MARCHF1: variants seen among roughly 807,000 people sequenced by gnomAD.
MARCHF1 encodes the protein membrane associated ring-CH-type finger 1.
In MARCHF1, 40 loss-of-function variants were observed where a neutral mutation model predicts 54.2. The observed-to-expected ratio is 0.74, with a 90% CI of 0.57 to 0.96. The LOEUF is 0.96. MARCHF1 is among the 40% of genes least tolerant of loss of function. The pLI is 0.00. For missense variants in MARCHF1, 586 were observed against 656.5 expected, an observed-to-expected ratio of 0.89 and a Z score of 1.17; for synonymous variants, 236 against 236.3, an observed-to-expected ratio of 1.00 and a Z score of 0.01.
rs371174867 is a variant in MARCHF1, at chr4:163,951,162, GA to G, written c.-39+37338del. Reference sequence around the variant, plus strand: ...ATATTAACAGAAGCAAAGGAAATTGGAGGGAAAAAGATTTACTACATCTGGA... The same window carrying G: ...ATATTAACAGAAGCAAAGGAAATTGGGGGAAAAAGATTTACTACATCTGGA... On this transcript the variant is annotated intron_variant, in intron 3 of 9. Coordinates refer to ENST00000514618, the MANE Select transcript of MARCHF1 (RefSeq NM_001394959.1). Among the ~76,000 whole-genome samples the G allele has an allele frequency of 5.6e-4, 85 of 152,280 alleles. 2 individuals are homozygous for G. The East Asian group carries it at 0.015, about 27-fold the overall frequency.
At chr4:164,351,961 A>C (rs1332638065) in intron 1 of MARCHF1, among the ~76,000 whole-genome samples, 1 of 147,576 alleles carries the variant, frequency 6.8e-6, no homozygotes, top group Non-Finnish European at 1.5e-5. Context: ...CTACGTGAAG[A>C]ATGCAGAAGC....
In MARCHF1 at chr4:164,123,221, C is replaced by T. The variant is rs186292675; in HGVS notation, c.-322-11559G>A. Among the ~76,000 whole-genome samples the T allele has an allele frequency of 8.0e-4, 121 of 152,114 alleles. 3 individuals are homozygous for T. Among genetic ancestry groups the T allele is most frequent in the Non-Finnish European group, 5.3e-4 (36 of 67,968 alleles). ...AGTAATCCAATTTACAATAGCCACA[C>T]ACAAAATTAAGTACCTAGGAATTAA... On this transcript the variant is annotated intron_variant, in intron 1 of 9. Coordinates refer to ENST00000514618, the MANE Select transcript of MARCHF1 (RefSeq NM_001394959.1).
chr4:163,571,835 G>T (rs1342095266), intron 8 of MARCHF1, among the ~76,000 whole-genome samples: 1 of 152,046 alleles, frequency 6.6e-6, no homozygotes, highest in African/African-American at 2.4e-5. Flanking sequence ...AGGGTCAAAA[G>T]TCTTTCATGT....
rs965647430 is a variant in MARCHF1 at position 163,994,351 on chromosome 4, C to T, written c.-247-5642G>A. ...TCACACAGGGCTGTAAGGCTCCTTC[C>T]CCTTCCATATTCTGAAACTTCACTG... On this transcript the variant is annotated intron_variant, in intron 2 of 9. Coordinates refer to ENST00000514618, the MANE Select transcript of MARCHF1 (RefSeq NM_001394959.1). 4.0e-5 allele frequency among the ~76,000 whole-genome samples: 6 copies of T among 150,136 alleles called. No individual in the cohort carries two copies. In the South Asian group the frequency reaches 1.1e-3, roughly 27 times the overall value.
At chr4:163,790,228 C>G (rs1747737815) in intron 4 of MARCHF1, among the ~76,000 whole-genome samples, 1 of 152,020 alleles carries the variant, frequency 6.6e-6, no homozygotes, top group Admixed American at 6.6e-5. Context: ...CTTAATAGTA[C>G]TTTATTTTCC....
intron 1 of MARCHF1, among the ~76,000 whole-genome samples, chr4:164,251,961 A>G (rs1579661982): frequency 6.6e-6 from 1 of 152,322 alleles, no homozygotes; most frequent in East Asian, 1.9e-4. Flanking sequence ...AGAAATTAAT[A>G]ATTTTCATCT....
chr4:164,049,479 G>A (rs1754311670), intron 2 of MARCHF1, among the ~76,000 whole-genome samples: 1 of 151,832 alleles, frequency 6.6e-6, no homozygotes, highest in Non-Finnish European at 1.5e-5. Flanking sequence ...GATCAGAGAG[G>A]TTAATGACTA....
chr4:164,194,267 G>A (rs1731195320), intron 1 of MARCHF1, among the ~76,000 whole-genome samples: 1 of 151,880 alleles, frequency 6.6e-6, no homozygotes, highest in Non-Finnish European at 1.5e-5. Flanking sequence ...TCTGCCTATA[G>A]CGCCAACAAA....
At chr4:163,659,710 A>T (rs1222326515) in intron 5 of MARCHF1, among the ~76,000 whole-genome samples, 3 of 152,094 alleles carry the variant, frequency 2.0e-5, no homozygotes, top group African/African-American at 7.2e-5. Context: ...TTTACAAGAA[A>T]AAAAAAACCC....
In MARCHF1 at chr4:164,101,113, C is replaced by T. The variant is rs1035437146; in HGVS notation, c.-248+10475G>A. Among the ~76,000 whole-genome samples, 4 of 152,208 alleles carry T rather than the reference C, an allele frequency of 2.6e-5. No individual in the cohort carries two copies. In the East Asian group the frequency reaches 5.8e-4, roughly 22 times the overall value. ...CCCGCACCTGGCTCGGAGGGTCCTA[C>T]GCCCACGGAGTCTTGCTGATTGCTA... On this transcript the variant is annotated intron_variant, in intron 2 of 9. Transcript: ENST00000514618.
intron 4 of MARCHF1, among the ~76,000 whole-genome samples, chr4:163,717,888 C>G (rs1745316847): frequency 6.6e-6 from 1 of 152,120 alleles, no homozygotes; most frequent in African/African-American, 2.4e-5. Flanking sequence ...ATCATGCTAC[C>G]TGACTTCAAA....
At chr4:163,653,498 C>T (rs182580873) in intron 5 of MARCHF1, among the ~76,000 whole-genome samples, 103 of 151,722 alleles carry the variant, frequency 6.8e-4, no homozygotes, top group Non-Finnish European at 6.8e-4. Flanking sequence ...GACTAGTTAT[C>T]AGGTTACGGT....
intron 3 of MARCHF1, among the ~76,000 whole-genome samples, chr4:163,965,787 C>T (rs1752431887): frequency 6.6e-6 from 1 of 152,022 alleles, no homozygotes; most frequent in African/African-American, 2.4e-5. Flanking sequence ...ATAACTGGAG[C>T]ACATAATGTG....
intron 1 of MARCHF1, among the ~76,000 whole-genome samples, chr4:164,193,156 C>G (rs2111055351): frequency 6.6e-6 from 1 of 152,216 alleles, no homozygotes; most frequent in Admixed American, 6.5e-5. Context: ...CCAATTTTCA[C>G]ACTAAATGAC....
chr4:163,947,551 G>C (rs549218496), intron 3 of MARCHF1, among the ~76,000 whole-genome samples: 17 of 152,318 alleles, frequency 1.1e-4, no homozygotes, highest in South Asian at 8.3e-4. Context: ...CCAGAGATGA[G>C]AGTGATGTGT....
chr4:163,843,715 A>G (rs1025083543), intron 4 of MARCHF1, among the ~76,000 whole-genome samples: 2 of 151,742 alleles, frequency 1.3e-5, no homozygotes, highest in Non-Finnish European at 2.9e-5. Context: ...GACAGGACCC[A>G]GTGTGTGTTG....
At chr4:164,335,452 T>G (rs1342260035) in intron 1 of MARCHF1, among the ~76,000 whole-genome samples, 5 of 152,006 alleles carry the variant, frequency 3.3e-5, no homozygotes, top group African/African-American at 9.7e-5. Flanking sequence ...CGTGGTGGCT[T>G]GCGCCTATAG....
chr4:164,128,471 A>T (rs1233250120), intron 1 of MARCHF1, among the ~76,000 whole-genome samples: 1 of 152,096 alleles, frequency 6.6e-6, no homozygotes, highest in Non-Finnish European at 1.5e-5. Context: ...AAATATATGA[A>T]CAGAGAATTC....
intron 5 of MARCHF1, among the ~76,000 whole-genome samples, chr4:163,673,345 C>T (rs148441135): frequency 8.8e-4 from 134 of 152,258 alleles, no homozygotes; most frequent in Non-Finnish European, 1.6e-3. Context: ...AATGCAGATG[C>T]ATTTTAATTT....
Sources: gnomAD v4.1 joint callset for allele counts (sites outside exome capture counted in the v4.1 genomes callset) on GRCh38, gnomAD v4.1.1 for gene constraint, MANE v1.5 for transcripts, NCBI Gene and HGNC (gene_info 2026-07-23, HGNC 2026-07-21) for gene names.